EVL: variants seen among roughly 807,000 people sequenced by gnomAD.
The protein encoded by EVL is Enah/Vasp-like, also known as ena/VASP-like protein.
A neutral mutation model predicts 59.6 loss-of-function variants in EVL; 21 were observed. The ratio of observed to expected loss-of-function variants is 0.35; its 90% CI spans 0.25 to 0.51. The LOEUF is 0.51. Ranked by LOEUF, EVL falls within the 20% of genes least tolerant of loss-of-function variation. The pLI is 0.97. For synonymous variants in EVL, 198 were observed against 203.5 expected (o/e 0.97, Z 0.23); for missense variants, 462 against 546.6 (o/e 0.85, Z 1.54).
chr14:100,142,363 T>C (rs976508673), intron 13 of EVL: 8 of 152,586 alleles, frequency 5.2e-5, no homozygotes, highest in Middle Eastern at 3.4e-3. Flanking sequence ...ATGCATCACA[T>C]CCGTCCTTCC....
In EVL at chr14:100,143,880, C is replaced by G. The variant is rs183985883; in HGVS notation, c.*142C>G. 1.2e-5 allele frequency: 12 copies of G among 966,738 alleles called. No individual in the cohort carries two copies. In the Admixed American group the frequency reaches 3.1e-4, roughly 25 times the overall value. The allele number at this position is 966,738 out of a possible 1,614,324, so 59.9% of individuals were successfully genotyped here. ...GCTGTGAAACGTCCTGACCTGTGAT[C>G]ACACATGACAGTGAGGAAACCAAGT... On this transcript the variant is annotated 3_prime_UTR_variant, in exon 14 of 14. Transcript: ENST00000392920.
chr14:100,019,662 G>A (rs946637639), intron 1 of EVL: 6 of 1,533,110 alleles, frequency 3.9e-6, no homozygotes, highest in Non-Finnish European at 5.2e-6. Context: ...CTCTGACTAG[G>A]TCATGTTTGC....
chr14:100,138,494 T>G, intron 11 of EVL: 1 of 152,900 alleles, frequency 6.5e-6, no homozygotes, highest in Non-Finnish European at 1.5e-5. Context: ...GCGTCAAGAA[T>G]GTCTCCATCG....
At chr14:99,973,285 C>A (rs981566557) in intron 1 of EVL, among the ~76,000 whole-genome samples, 5 of 152,230 alleles carry the variant, frequency 3.3e-5, no homozygotes, top group Non-Finnish European at 7.3e-5. Flanking sequence ...ACCTCCTTCT[C>A]AACACTTGGT....
intron 1 of EVL, among the ~76,000 whole-genome samples, chr14:100,068,186 A>G (rs2061973639): frequency 6.6e-6 from 1 of 152,194 alleles, no homozygotes; most frequent in Admixed American, 6.5e-5. Context: ...TGAGGCAGCC[A>G]TGCTAAAATC....
chr14:100,066,587 C>T (rs1361505221), intron 1 of EVL: 1 of 152,156 alleles, frequency 6.6e-6, no homozygotes, highest in African/African-American at 2.4e-5. Context: ...AGTAACTTTC[C>T]TTTAACTTTA....
At position 100,018,663 on chromosome 14, in the gene EVL, C is replaced by T. The variant is rs552507499; in HGVS notation, c.5+46606C>T. On this transcript the variant is annotated intron_variant, in intron 1 of 13. Transcript: ENST00000402714. ...CAGCTTCAGGCCACCTTTTCCAGGT[C>T]GATTACAGTTAGTGACTGATGACAC... Among the ~76,000 whole-genome samples the T allele has an allele frequency of 6.6e-5, 10 of 152,152 alleles. No individual in the cohort carries two copies. In the East Asian group the frequency reaches 9.7e-4, roughly 15 times the overall value.
intron 1 of EVL, among the ~76,000 whole-genome samples, chr14:100,080,181 G>A (rs1174779412): frequency 6.6e-6 from 1 of 151,840 alleles, no homozygotes; most frequent in Non-Finnish European, 1.5e-5. Flanking sequence ...GAATTGTCTT[G>A]GGCCACACAT....
intron 1 of EVL, among the ~76,000 whole-genome samples, chr14:100,070,612 T>C (rs2062029570): frequency 6.6e-6 from 1 of 152,246 alleles, no homozygotes; most frequent in South Asian, 2.1e-4. Context: ...GCTTGTGTTA[T>C]GCATTCATGT....
At chr14:100,070,404 TTTGC>T (rs2062025186) in intron 1 of EVL, among the ~76,000 whole-genome samples, 4 of 152,206 alleles carry the variant, frequency 2.6e-5, no homozygotes, top group Non-Finnish European at 5.9e-5. Context: ...CTTGTCCCAA[TTTGC>T]AGAGTCAAGG....
chr14:100,011,666 G>A (rs1161947688), intron 1 of EVL, among the ~76,000 whole-genome samples: 1 of 152,108 alleles, frequency 6.6e-6, no homozygotes, highest in African/African-American at 2.4e-5. Context: ...TGACTAAATT[G>A]ACTATGATAC....
At chr14:100,142,245 A>AG (rs1889221031) in intron 13 of EVL, 1 of 151,342 alleles carries the variant, frequency 6.6e-6, no homozygotes, top group African/African-American at 2.6e-5. Context: ...AGGAAGACCA[A>AG]GGTCTACAGA....
At chr14:99,999,607 G>A (rs2060933557) in intron 1 of EVL, among the ~76,000 whole-genome samples, 1 of 152,192 alleles carries the variant, frequency 6.6e-6, no homozygotes, top group South Asian at 2.1e-4. Flanking sequence ...AGACCAGCCT[G>A]AGCAACACAA....
At chr14:99,991,472 CCAA>C (rs1312950324) in intron 1 of EVL, among the ~76,000 whole-genome samples, 1 of 152,170 alleles carries the variant, frequency 6.6e-6, no homozygotes, top group Non-Finnish European at 1.5e-5. Context: ...GAATCTTTGG[CCAA>C]CAACTGAGAA....
intron 3 of EVL, among the ~76,000 whole-genome samples, chr14:100,103,100 C>CA (rs59534389): frequency 0.037 from 3,531 of 94,336 alleles, 76 homozygotes; most frequent in Non-Finnish European, 0.054. Flanking sequence ...GACTCCGTCT[C>CA]AAAAAAAAAA....
chr14:100,107,744 C>T (rs573335241), intron 3 of EVL: 8 of 155,344 alleles, frequency 5.1e-5, no homozygotes, highest in African/African-American at 1.9e-4. Flanking sequence ...GGGACAGAAG[C>T]ATGTGTGGTC....
intron 1 of EVL, among the ~76,000 whole-genome samples, chr14:100,056,252 T>C (rs2061731219): frequency 1.3e-5 from 2 of 151,742 alleles, no homozygotes; most frequent in African/African-American, 4.8e-5. Flanking sequence ...TGCCTTTTAC[T>C]TCTGTAGTCC....
At chr14:100,005,640 C>G (rs974313508) in intron 1 of EVL, among the ~76,000 whole-genome samples, 4 of 150,186 alleles carry the variant, frequency 2.7e-5, no homozygotes, top group Admixed American at 6.6e-5. Context: ...TACACACACA[C>G]ACACACACAC....
At chr14:100,076,286 G>A (rs1450516490) in intron 1 of EVL, among the ~76,000 whole-genome samples, 1 of 152,196 alleles carries the variant, frequency 6.6e-6, no homozygotes, top group Admixed American at 6.5e-5. Context: ...CCGTTTGTGG[G>A]CAGCCTCAGG....
Sources: allele counts gnomAD v4.1 joint callset (sites outside exome capture counted in the v4.1 genomes callset), GRCh38; gene constraint gnomAD v4.1.1; transcripts MANE v1.5; gene names NCBI Gene and HGNC (gene_info 2026-07-23, HGNC 2026-07-21).